The following RREB1 variants were observed in gnomAD, a reference collection of about 807,000 sequenced individuals.
RREB1 encodes ras responsive element binding protein 1.
In RREB1, 27 loss-of-function variants were observed where a neutral mutation model predicts 117.8. The observed-to-expected ratio is 0.23, with a 90% CI of 0.17 to 0.32. The LOEUF is 0.32. Among genes scored for constraint, RREB1 ranks in the 10% least tolerant of loss-of-function variants. The pLI is 1.00. For synonymous variants in RREB1, 1,298 were observed against 1,026.7 expected, an observed-to-expected ratio of 1.26 and a Z score of -5.05; for missense variants, 2,577 against 2,378.2, an observed-to-expected ratio of 1.08 and a Z score of -1.74.
chr6:7,240,335 G>GA, intron 10 of RREB1, 103 bp from the exon 11 acceptor site: 1 of 808,598 alleles, frequency 1.2e-6, no homozygotes, highest in Non-Finnish European at 1.9e-6. Context: ...GATGGAGGAG[G>GA]GGGGAACAAC....
In RREB1 at chr6:7,211,684, G is replaced by C; in HGVS notation, c.682G>C (p.Glu228Gln). The C allele has an allele frequency of 1.2e-6, 2 of 1,614,150 alleles. No homozygotes were observed. Among genetic ancestry groups the C allele is most frequent in the Non-Finnish European group, 1.7e-6 (2 of 1,179,992 alleles). Residue 228 changes from glutamate to glutamine, a missense_variant, in exon 8 of 13, where the codon GAG (glutamate) becomes CAG (glutamine). By Grantham distance (29) the Glu-to-Gln change is conservative (BLOSUM62 2). Transcript: ENST00000379938. ...VCKYGLETHM[E>Q]THSDNPLRCD... is the part of the protein sequence containing the mutation. ...CAAGTATGGACTGGAGACCCACATG[G>C]AGACCCATTCAGATAACCCACTAAG...
chr6:7,233,850 T>C (rs1253234697), intron 10 of RREB1, among the ~76,000 whole-genome samples: 2 of 152,138 alleles, frequency 1.3e-5, no homozygotes, highest in African/African-American at 4.8e-5. Flanking sequence ...CACCGCTGGA[T>C]ACCTGAACAG....
rs778364141 is a variant in RREB1, at chr6:7,231,133, G to C, written c.3034G>C (p.Val1012Leu). The change falls in exon 10 of 13, where the codon GTT (valine) becomes CTT (leucine). Residue 1012 changes from valine to leucine, a missense_variant. Transcript: ENST00000379938. ...EPPAQPLQGP[V>L]QLAVPIYSSA... Reference sequence around the variant, plus strand: ...CCCAGCACAGCCCCTGCAGGGCCCTGTTCAGCTGGCGGTCCCAATCTACTC... The same window carrying C: ...CCCAGCACAGCCCCTGCAGGGCCCTCTTCAGCTGGCGGTCCCAATCTACTC... 1 of 1,612,644 alleles carries C rather than the reference G, an allele frequency of 6.2e-7. No individual in the cohort carries two copies. The highest frequency in any genetic ancestry group is 1.1e-5 in the South Asian group (1 of 91,068).
intron 1 of RREB1, among the ~76,000 whole-genome samples, chr6:7,114,999 T>TA (rs1761328079): frequency 6.6e-6 from 1 of 151,936 alleles, no homozygotes. Flanking sequence ...CCTTTTTTTT[T>TA]TTTTAAGTGT....
At position 7,248,626 on chromosome 6, in the gene RREB1, C is replaced by G. The variant is rs1769254769; in HGVS notation, c.4887C>G (p.Asp1629Glu). Residue 1629 changes from aspartate to glutamate, a missense_variant, in exon 13 of 13, where the codon GAC (aspartate) becomes GAG (glutamate). By Grantham distance (45) the Asp-to-Glu change is conservative. Transcript: ENST00000379938. ...KARHAKHHGK[D>E]SDKEERGEED... ...GGCATGCCAAACACCACGGGAAGGA[C>G]AGCGACAAGGAAGAGCGGGGTGAGG... is the stretch of plus-strand genomic sequence containing the variant. 1 of 1,614,148 alleles carries G rather than the reference C, an allele frequency of 6.2e-7. No homozygotes were observed. The highest frequency in any genetic ancestry group is 1.1e-5 in the South Asian group (1 of 91,094).
intron 6 of RREB1, among the ~76,000 whole-genome samples, chr6:7,200,016 T>C (rs943128267): frequency 2.0e-5 from 3 of 152,188 alleles, no homozygotes; most frequent in African/African-American, 7.2e-5. Flanking sequence ...AGATAAAAAG[T>C]GTAAGAAAAT....
intron 9 of RREB1, among the ~76,000 whole-genome samples, chr6:7,228,370 A>G (rs1005625674): frequency 5.9e-5 from 9 of 152,000 alleles, no homozygotes; most frequent in African/African-American, 1.7e-4. Flanking sequence ...TTACTTAACT[A>G]TACTTCAGAA....
chr6:7,199,786 C>T (rs1765852384), intron 6 of RREB1, among the ~76,000 whole-genome samples: 1 of 152,118 alleles, frequency 6.6e-6, no homozygotes, highest in Admixed American at 6.5e-5. Flanking sequence ...ACCTTACCCT[C>T]CCGAGTAGCT....
chr6:7,226,645 C>A lies in RREB1; in HGVS notation c.886C>A (p.Arg296Ser). 6.2e-7 allele frequency: 1 copy of A among 1,613,760 alleles called. No homozygotes were observed. Among genetic ancestry groups the A allele is most frequent in the Non-Finnish European group, 8.5e-7 (1 of 1,179,760 alleles). ...FTDFSCRKFP[R>S]ISQAWCETNL... The stretch of plus-strand genomic sequence containing the variant: ...GGACTTCTCCTGTAGGAAGTTTCCT[C>A]GCATTTCTCAGGTATTCTGATCAGC... The change falls in exon 9 of 13, where the codon CGC (arginine) becomes AGC (serine). Residue 296 changes from arginine to serine, a missense_variant. Coordinates refer to ENST00000379938, the MANE Select transcript of RREB1 (RefSeq NM_001003699.4).
chr6:7,137,527 C>T (rs113574706), intron 1 of RREB1, among the ~76,000 whole-genome samples: 1 of 152,192 alleles, frequency 6.6e-6, no homozygotes, highest in African/African-American at 2.4e-5. Flanking sequence ...ATGCCAAACA[C>T]ATAGGCAGAT....
intron 10 of RREB1, among the ~76,000 whole-genome samples, chr6:7,233,155 C>T (rs963992553): frequency 3.9e-5 from 6 of 152,230 alleles, no homozygotes; most frequent in Non-Finnish European, 5.9e-5. Context: ...CTTGGCCTCT[C>T]AAAGTGCTGG....
Position 7,229,791 on chromosome 6 carries a change from G to C in RREB1, c.1692G>C (p.Gln564His). Residue 564 changes from glutamine (Q) to histidine (H), a missense_variant, in exon 10 of 13, where the codon CAG (glutamine) becomes CAC (histidine). Physicochemically the swap from Gln to His is conservative, Grantham distance 24. Transcript: ENST00000379938. The surrounding 1 kb of genome is among the most constrained non-coding windows in gnomAD (Gnocchi z 4.5). ...VEAASNAHLLQSKSGTQPHAA... is the reference protein window; with the variant it reads ...VEAASNAHLLHSKSGTQPHAA... ...CGGCCTCCAACGCCCACCTGCTGCA[G>C]TCCAAGTCCGGGACCCAGCCCCACG... 2 of 1,609,654 alleles carry C rather than the reference G, an allele frequency of 1.2e-6. No individual in the cohort carries two copies. Among genetic ancestry groups the C allele is most frequent in the Middle Eastern group, 1.7e-4 (1 of 6,048 alleles).
chr6:7,114,340 G>C (rs995661203), intron 1 of RREB1, among the ~76,000 whole-genome samples: 4 of 152,164 alleles, frequency 2.6e-5, no homozygotes, highest in African/African-American at 9.7e-5. Flanking sequence ...CAGGGTGAGG[G>C]ATGAGTTTTA....
intron 12 of RREB1, 121 bp downstream of exon 12, chr6:7,247,342 G>C (rs1029117022): frequency 6.7e-6 from 6 of 894,530 alleles, no homozygotes; most frequent in Non-Finnish European, 8.3e-6. Flanking sequence ...CGTTGCCGGT[G>C]TGCCCTTTAA....
At chr6:7,187,370 G>A in intron 4 of RREB1, 64 bp from the exon 5 acceptor site, 1 of 1,034,238 alleles carries the variant, frequency 9.7e-7, no homozygotes, top group East Asian at 2.4e-5. Flanking sequence ...ACTTATTACA[G>A]AAAGAAAAGG....
At chr6:7,200,127 C>T (rs1024388843) in intron 6 of RREB1, among the ~76,000 whole-genome samples, 3 of 151,256 alleles carry the variant, frequency 2.0e-5, no homozygotes, top group African/African-American at 7.3e-5. Flanking sequence ...TTCCCTTTTA[C>T]TTTGTGTTTT....
chr6:7,175,271 T>TA (rs937723714), intron 1 of RREB1, among the ~76,000 whole-genome samples: 3 of 151,226 alleles, frequency 2.0e-5, no homozygotes, highest in Non-Finnish European at 4.4e-5. Context: ...CAGGGATTCT[T>TA]ACCCTGCTGT....
Position 7,229,479 on chromosome 6 carries a change from T to C in RREB1, c.1380T>C (p.Ser460=). Residue 460 remains serine, a synonymous_variant, in exon 10 of 13, where the codon TCT becomes TCC. Transcript: ENST00000379938. This position sits in a 1 kb window ranked among gnomAD's most constrained non-coding sequence, Gnocchi z 4.5. ...GCAGCATTGTGGTCAAGCCCATCTC[T>C]GGCGAGTCGGCCATCGAGCTGGCAG... ...PDSSIVVKPI[S]GESAIELADI... is the part of the protein sequence containing the mutation. The C allele has an allele frequency of 1.7e-5, 27 of 1,614,184 alleles. No homozygotes were observed. Among genetic ancestry groups the C allele is most frequent in the Non-Finnish European group, 2.3e-5 (27 of 1,180,024 alleles).
chr6:7,114,673 T>C (rs1271600541), intron 1 of RREB1, among the ~76,000 whole-genome samples: 2 of 152,196 alleles, frequency 1.3e-5, no homozygotes, highest in Non-Finnish European at 2.9e-5. Context: ...GCATGCGATA[T>C]ATTTAGAAAT....
Sources: allele counts gnomAD v4.1 joint callset (sites outside exome capture counted in the v4.1 genomes callset), GRCh38; gene constraint gnomAD v4.1.1; non-coding constraint Gnocchi (gnomAD v3.1); transcripts MANE v1.5; gene names NCBI Gene and HGNC (gene_info 2026-07-23, HGNC 2026-07-21).